Variants in TASOR2 observed in about 807,000 individuals in gnomAD.
TASOR2 encodes the protein transcription activation suppressor family member 2.
A neutral mutation model predicts 199.5 loss-of-function variants in TASOR2; 84 were observed. The ratio of observed to expected loss-of-function variants is 0.42; its 90% confidence interval spans 0.35 to 0.50. The LOEUF is 0.50. Among genes scored for constraint, TASOR2 ranks in the 20% least tolerant of loss-of-function variants. The pLI is 0.02. For synonymous variants in TASOR2, 1,103 were observed against 1,046.6 expected, an observed-to-expected ratio of 1.05 and a Z score of -1.04; for missense variants, 2,796 against 2,835.9, an observed-to-expected ratio of 0.99 and a Z score of 0.32.
At chr10:5,755,435 G>A (rs768426362) in intron 15 of TASOR2, among the ~76,000 whole-genome samples, 98 of 152,128 alleles carry the variant, frequency 6.4e-4, no homozygotes, top group Non-Finnish European at 8.1e-4. Context: ...TAAGCCAGGC[G>A]TGGTGGCGGG....
At position 5,762,918 on chromosome 10, in the gene TASOR2, A is replaced by G. The variant is rs879071361; in HGVS notation, c.7290-111A>G. 4 of 989,640 alleles carry G rather than the reference A, an allele frequency of 4.0e-6. No individual in the cohort carries two copies. The South Asian group carries it at 6.1e-5, about 15-fold the overall frequency. 61.3% of individuals were successfully genotyped at this position (989,640 alleles called of 1,614,324 possible). On this transcript the variant is annotated intron_variant, in intron 20 of 20. Coordinates refer to ENST00000328090, the Ensembl canonical transcript of TASOR2. ...AACTTGGATCGTCAGTACAGAACAT[A>G]ATGTAACCTTAGAATGCATAGGCGT...
intron 1 of TASOR2, among the ~76,000 whole-genome samples, chr10:5,696,001 C>G (rs1214351759): frequency 1.3e-5 from 2 of 152,162 alleles, no homozygotes; most frequent in African/African-American, 4.8e-5. Context: ...CAACTACTCT[C>G]TCCTCTACCT....
intron 18 of TASOR2, among the ~76,000 whole-genome samples, chr10:5,759,323 G>A (rs1041858202): frequency 6.6e-6 from 1 of 152,078 alleles, no homozygotes; most frequent in Non-Finnish European, 1.5e-5. Context: ...CTTATAAGTT[G>A]CCACCACTTT....
chr10:5,749,848 A>G, exon 15 of TASOR2: 2 of 1,614,228 alleles, frequency 1.2e-6, no homozygotes, highest in Non-Finnish European at 1.7e-6. Context: ...TGGAGAAGCC[A>G]CTGCTCAAGA....
At chr10:5,721,794 T>C (rs992981848) in intron 6 of TASOR2, among the ~76,000 whole-genome samples, 2 of 152,228 alleles carry the variant, frequency 1.3e-5, no homozygotes, top group African/African-American at 2.4e-5. Context: ...ACTTGCTTAT[T>C]AATCACAAAG....
At position 5,748,821 on chromosome 10, in the gene TASOR2, G is replaced by T; in HGVS notation, c.5400G>T (p.Gly1800=). ...TAGAAATTGAGAACAGTGGGGAGGG[G>T]CTCAGGGCTGAGGCTGGTTCTGAAA... The change falls in exon 15 of 21, where the codon GGG becomes GGT. Residue 1800 remains glycine, a synonymous_variant. Coordinates refer to ENST00000328090, the Ensembl canonical transcript of TASOR2. This position sits in a 1 kb window ranked among gnomAD's most constrained non-coding sequence, Gnocchi z 5.1. The T allele has an allele frequency of 6.2e-7, 1 of 1,614,176 alleles. No individual in the cohort carries two copies. The highest frequency in any genetic ancestry group is 1.1e-5 in the South Asian group (1 of 91,084).
chr10:5,690,747 G>A lies in TASOR2; in HGVS notation c.-288+5572G>A, dbSNP rs113413467. 1.4e-3 allele frequency among the ~76,000 whole-genome samples: 210 copies of A among 152,288 alleles called. 2 individuals carry two copies. The highest frequency in any genetic ancestry group is 7.5e-4 in the Non-Finnish European group (51 of 68,034). On this transcript the variant is annotated intron_variant, in intron 1 of 20. Coordinates refer to ENST00000328090, the Ensembl canonical transcript of TASOR2. This position sits in a 1 kb window ranked among gnomAD's most constrained non-coding sequence, Gnocchi z 4.8. The stretch of plus-strand genomic sequence containing the variant: ...TTGCAATAAGTATATTAATGAATAC[G>A]ATACAACCATTTTATACAGGCAAAA...
At chr10:5,712,910 GA>G in exon 2 of TASOR2, 14 of 1,226,948 alleles carry the variant, frequency 1.1e-5, no homozygotes, top group Non-Finnish European at 1.4e-5. Flanking sequence ...GTTTGATACT[GA>G]AAAGCAGGTA....
exon 13 of TASOR2, chr10:5,739,929 G>A (rs762875680): frequency 1.9e-6 from 3 of 1,613,994 alleles, no homozygotes; most frequent in Non-Finnish European, 2.5e-6. Flanking sequence ...ATATCATAGA[G>A]GAGTTAAAAC....
chr10:5,703,572 C>T (rs1188682293), intron 1 of TASOR2, among the ~76,000 whole-genome samples: 3 of 133,478 alleles, frequency 2.2e-5, no homozygotes, highest in Admixed American at 8.6e-5. Flanking sequence ...GGCACAATCT[C>T]GGCTCACTGC....
intron 18 of TASOR2, among the ~76,000 whole-genome samples, chr10:5,759,660 A>C (rs893418276): frequency 4.6e-5 from 7 of 152,270 alleles, no homozygotes; most frequent in Non-Finnish European, 1.0e-4. Flanking sequence ...ACTGAAGCAG[A>C]GTAGATAACA....
At chr10:5,747,937 A>G (rs1361861338) in exon 15 of TASOR2, 1 of 1,613,838 alleles carries the variant, frequency 6.2e-7, no homozygotes, top group Non-Finnish European at 8.5e-7. Flanking sequence ...AATTGTCTCA[A>G]GTGAGCATGA....
In TASOR2 at chr10:5,749,028, G is replaced by A. The variant is rs776059404; in HGVS notation, c.5607G>A (p.Ser1869=). 9 of 1,614,026 alleles carry A rather than the reference G, an allele frequency of 5.6e-6. No individual in the cohort carries two copies. In the East Asian group the frequency reaches 6.7e-5, roughly 12 times the overall value. ...TTCCCACAGATGGCTATGAGTCGTC[G>A]TTGAACTTCCACAACAACAACCAAG... The change falls in exon 15 of 21, where the codon TCG becomes TCA. Residue 1869 remains serine (S), a synonymous_variant. Coordinates refer to ENST00000328090, the Ensembl canonical transcript of TASOR2.
At chr10:5,693,172 C>G (rs1013934352) in intron 1 of TASOR2, among the ~76,000 whole-genome samples, 1 of 152,116 alleles carries the variant, frequency 6.6e-6, no homozygotes, top group Non-Finnish European at 1.5e-5. Context: ...GTATGGTACC[C>G]GAAGGCTTAA....
intron 8 of TASOR2, among the ~76,000 whole-genome samples, chr10:5,726,224 C>G (rs911338989): frequency 3.3e-5 from 5 of 152,172 alleles, no homozygotes; most frequent in Admixed American, 6.5e-5. Context: ...TTTTAGACAA[C>G]TTCTGCTGCC....
chr10:5,762,033 T>C (rs1177931239), intron 19 of TASOR2, among the ~76,000 whole-genome samples: 1 of 152,070 alleles, frequency 6.6e-6, no homozygotes, highest in Non-Finnish European at 1.5e-5. Context: ...TGCCAGCACT[T>C]TGGGAGGCTG....
rs1836190265 is a variant in TASOR2, at chr10:5,689,535, G to A, written c.-288+4360G>A. ...GAATTGCTTGAACTCGGGAGGCAGA[G>A]GTTGCAGTGAGCAGAGATCACGCCA... On this transcript the variant is annotated intron_variant, in intron 1 of 20. Transcript: ENST00000328090. The surrounding 1 kb of genome is among the most constrained non-coding windows in gnomAD (Gnocchi z 4.1). Among the ~76,000 whole-genome samples the A allele has an allele frequency of 6.6e-6, 1 of 152,034 alleles. No individual in the cohort carries two copies. Among genetic ancestry groups the A allele is most frequent in the Admixed American group, 6.6e-5 (1 of 15,266 alleles).
chr10:5,747,741 A>T lies in TASOR2; in HGVS notation c.4320A>T (p.Gln1440His), dbSNP rs781749954. The T allele has an allele frequency of 5.0e-6, 8 of 1,614,054 alleles. No individual in the cohort carries two copies. In the African/African-American group the frequency reaches 8.0e-5, roughly 16 times the overall value. Residue 1440 changes from glutamine to histidine, a missense_variant, in exon 15 of 21, where the codon CAA becomes CAT. Physicochemically the swap from Gln to His is conservative, Grantham distance 24. Around this residue, in one of 3 missense-constraint regions of TASOR2, gnomAD observed 1,941 missense variants for 1,924.9 expected, o/e 1.01. Transcript: ENST00000328090. ...GTGAGAAGAGCAACCAAATCTCCCA[A>T]TGTGAGTCAGAAGACTTAGGCATAA...
Position 5,762,525 on chromosome 10 carries a change from T to TTA in TASOR2, c.7175-6_7175-5dup, listed in dbSNP as rs2131671191. 2 of 700,816 alleles carry TTA rather than the reference T, an allele frequency of 2.9e-6. No homozygotes were observed. The highest frequency in any genetic ancestry group is 3.1e-5 in the East Asian group (1 of 32,408). 43.4% of individuals were successfully genotyped at this position (700,816 alleles called of 1,614,324 possible). A position where few individuals can be genotyped will look rare whatever the true frequency, so the allele number is the denominator to read the frequency against. Reference sequence around the variant, plus strand: ...AACCAAAAGTTGTTTTTTTTTTTTTTTAACAGACAAGCCTACTATCCCCAG... The same window carrying TTA: ...AACCAAAAGTTGTTTTTTTTTTTTTTTATAACAGACAAGCCTACTATCCCCAG... On this transcript the variant is annotated splice_region_variant and splice_polypyrimidine_tract_variant and intron_variant, in intron 19 of 20. Transcript: ENST00000328090.
Sources: gnomAD v4.1 joint callset for allele counts (sites outside exome capture counted in the v4.1 genomes callset) on GRCh38, gnomAD v4.1.1 for gene constraint, gnomAD v4.1.1 regional missense constraint, Gnocchi (gnomAD v3.1) non-coding constraint, MANE v1.5 for transcripts, NCBI Gene and HGNC (gene_info 2026-07-23, HGNC 2026-07-21) for gene names.